The following TMEM108 variants were observed in gnomAD, a reference collection of about 807,000 sequenced individuals.
TMEM108 encodes the protein transmembrane protein 108.
In TMEM108, 12 loss-of-function variants were observed where a neutral mutation model predicts 35.1. The ratio of observed to expected loss-of-function variants is 0.34; its 90% CI spans 0.22 to 0.55. TMEM108 has a LOEUF of 0.55. Ranked by LOEUF, TMEM108 falls within the 20% of genes least tolerant of loss-of-function variation. The probability of loss-of-function intolerance (pLI) is 0.89; values close to 1 mark genes in which losing one functional copy is unlikely to be tolerated. For synonymous variants in TMEM108, 287 were observed against 308.6 expected (o/e 0.93, Z 0.73); for missense variants, 680 against 753.3 (o/e 0.90, Z 1.14).
chr3:133,277,759 T>C (rs1480974523), intron 3 of TMEM108, among the ~76,000 whole-genome samples: 1 of 152,242 alleles, frequency 6.6e-6, no homozygotes, highest in Non-Finnish European at 1.5e-5. Context: ...CAAGGCACCT[T>C]GCTGAGTGCC....
intron 3 of TMEM108, among the ~76,000 whole-genome samples, chr3:133,233,248 T>A (rs141710431): frequency 6.6e-6 from 1 of 152,134 alleles, no homozygotes; most frequent in African/African-American, 2.4e-5. Flanking sequence ...GTCCACGTGT[T>A]CTCATTGTTC....
At chr3:133,073,953 GTCT>G (rs1019490940) in intron 2 of TMEM108, among the ~76,000 whole-genome samples, 4 of 151,948 alleles carry the variant, frequency 2.6e-5, no homozygotes, top group African/African-American at 9.7e-5. Context: ...TCATTTGTAT[GTCT>G]TCTTTTGGGA....
At chr3:133,313,600 G>A (rs2071161525) in intron 3 of TMEM108, among the ~76,000 whole-genome samples, 3 of 152,096 alleles carry the variant, frequency 2.0e-5, no homozygotes, top group Admixed American at 2.0e-4. Flanking sequence ...TCCCAAGTCG[G>A]AATACCACTT....
intron 3 of TMEM108, among the ~76,000 whole-genome samples, chr3:133,230,433 A>G (rs533753428): frequency 2.6e-4 from 40 of 152,266 alleles, no homozygotes; most frequent in African/African-American, 9.4e-4. Context: ...TGTTATAGGG[A>G]CTTTCTCATG....
intron 3 of TMEM108, among the ~76,000 whole-genome samples, chr3:133,251,020 T>C (rs562316032): frequency 6.6e-6 from 1 of 152,306 alleles, no homozygotes; most frequent in East Asian, 1.9e-4. Flanking sequence ...TTCACTTCAT[T>C]TGAGGTTTAG....
At chr3:133,310,529 G>C (rs1457549299) in intron 3 of TMEM108, among the ~76,000 whole-genome samples, 1 of 41,622 alleles carries the variant, frequency 2.4e-5, no homozygotes, top group Non-Finnish European at 4.9e-5. Context: ...TGCAACCCCT[G>C]CTTTTTTTTT....
At chr3:133,347,142 T>C (rs908316204) in intron 3 of TMEM108, among the ~76,000 whole-genome samples, 1 of 152,136 alleles carries the variant, frequency 6.6e-6, no homozygotes. Context: ...ATATAAACTT[T>C]ATAATCAGTT....
chr3:133,259,208 A>G (rs1946590491), intron 3 of TMEM108, among the ~76,000 whole-genome samples: 1 of 152,194 alleles, frequency 6.6e-6, no homozygotes, highest in Admixed American at 6.5e-5. Context: ...TTTGCTTCTA[A>G]TGCTTGCTTC....
At chr3:133,216,399 G>A (rs1945909196) in intron 2 of TMEM108, among the ~76,000 whole-genome samples, 1 of 152,024 alleles carries the variant, frequency 6.6e-6, no homozygotes, top group Non-Finnish European at 1.5e-5. Flanking sequence ...GTCCCCACCT[G>A]TGCCACTATG....
chr3:133,220,531 C>T (rs1004219203), intron 2 of TMEM108, among the ~76,000 whole-genome samples: 14 of 152,052 alleles, frequency 9.2e-5, no homozygotes, highest in Admixed American at 4.6e-4. Context: ...ATTTATTCTA[C>T]GTTATTCCAC....
intron 3 of TMEM108, among the ~76,000 whole-genome samples, chr3:133,313,827 C>T (rs1200219531): frequency 1.3e-5 from 2 of 152,082 alleles, no homozygotes; most frequent in African/African-American, 4.8e-5. Flanking sequence ...AGAGGAACTG[C>T]TCTTCTGCTT....
At chr3:133,221,567 T>C (rs75238837) in intron 2 of TMEM108, among the ~76,000 whole-genome samples, 1 of 152,300 alleles carries the variant, frequency 6.6e-6, no homozygotes, top group African/African-American at 2.4e-5. Context: ...TCATGGTTGT[T>C]TTGTAGATCC....
Position 133,390,193 on chromosome 3 carries a change from G to C in TMEM108, c.1464G>C (p.Thr488=), listed in dbSNP as rs747289991. 1.2e-6 allele frequency: 2 copies of C among 1,613,990 alleles called. No individual in the cohort carries two copies. Among genetic ancestry groups the C allele is most frequent in the East Asian group, 2.2e-5 (1 of 44,890 alleles). The stretch of plus-strand genomic sequence containing the variant: ...CTCTCTCCATAGCTGTCCTGCTGAC[G>C]GTGTGCTGCATGAAGAGGAAGAAGA... ...VPISSCSVLL[T]VCCMKRKKKT... is the part of the protein sequence containing the mutation. Residue 488 remains threonine (T), a synonymous_variant, in exon 5 of 6, where the codon ACG becomes ACC. Transcript: ENST00000321871.
intron 3 of TMEM108, among the ~76,000 whole-genome samples, chr3:133,251,474 A>C (rs572284740): frequency 7.2e-5 from 11 of 152,292 alleles, no homozygotes; most frequent in Non-Finnish European, 1.2e-4. Context: ...AAAGATCACT[A>C]TGACTTAACA....
At chr3:133,183,933 A>G (rs1945383988) in intron 2 of TMEM108, among the ~76,000 whole-genome samples, 1 of 152,140 alleles carries the variant, frequency 6.6e-6, no homozygotes, top group South Asian at 2.1e-4. Context: ...GCAGGAAGGG[A>G]AAGACAGGGC....
At chr3:133,378,179 T>C (rs2107834633) in intron 3 of TMEM108, among the ~76,000 whole-genome samples, 1 of 152,326 alleles carries the variant, frequency 6.6e-6, no homozygotes, top group Middle Eastern at 3.4e-3. Flanking sequence ...ACAGCCTCAG[T>C]GCAATCTAAA....
intron 3 of TMEM108, among the ~76,000 whole-genome samples, chr3:133,311,704 A>G (rs984278657): frequency 6.6e-6 from 1 of 152,168 alleles, no homozygotes; most frequent in African/African-American, 2.4e-5. Flanking sequence ...TCTGAAGCCT[A>G]CTGCTGTCAA....
At chr3:133,185,137 C>A (rs963358094) in intron 2 of TMEM108, among the ~76,000 whole-genome samples, 5 of 152,162 alleles carry the variant, frequency 3.3e-5, no homozygotes, top group African/African-American at 9.7e-5. Context: ...ATCCTAGATT[C>A]TACTTATACA....
rs1247950491 is a variant in TMEM108 at position 133,245,904 on chromosome 3, A to G, written c.40+16553A>G. Among the ~76,000 whole-genome samples, 3 of 152,204 alleles carry G rather than the reference A, an allele frequency of 2.0e-5. No individual in the cohort carries two copies. In the East Asian group the frequency reaches 5.8e-4, roughly 29 times the overall value. ...TTGTATTTAAACCAATGTATTCAAA[A>G]CATTATTTCAACATATAATCAATAA... On this transcript the variant is annotated intron_variant, in intron 3 of 5. Coordinates refer to ENST00000321871, the MANE Select transcript of TMEM108 (RefSeq NM_023943.4).
Sources: allele counts gnomAD v4.1 joint callset (sites outside exome capture counted in the v4.1 genomes callset), GRCh38; gene constraint gnomAD v4.1.1; transcripts MANE v1.5; gene names NCBI Gene and HGNC (gene_info 2026-07-23, HGNC 2026-07-21).